Variants in ITCH observed in about 807,000 individuals in gnomAD.
ITCH encodes itchy E3 ubiquitin protein ligase, also known as E3 ubiquitin-protein ligase Itchy homolog.
In ITCH, 28 loss-of-function variants were observed where a neutral mutation model predicts 126.8. The observed-to-expected ratio is 0.22, with a 90% CI of 0.16 to 0.30. The LOEUF (loss-of-function observed/expected upper bound fraction) is 0.30. ITCH is among the 10% of genes least tolerant of loss of function. ITCH has a pLI of 1.00. For synonymous variants in ITCH, 342 were observed against 340.0 expected (o/e 1.01, Z -0.06); for missense variants, 631 against 1,032.4 (o/e 0.61, Z 5.33).
intron 17 of ITCH, 65 bp from the exon 18 acceptor site, chr20:34,479,565 G>A: frequency 1.5e-6 from 2 of 1,359,924 alleles, no homozygotes; most frequent in Non-Finnish European, 2.1e-6. Context: ...GAACTTTATA[G>A]CACTGTTCTT....
intron 2 of ITCH, among the ~76,000 whole-genome samples, chr20:34,388,341 TTTGC>T (rs2146051569): frequency 6.6e-6 from 1 of 152,216 alleles, no homozygotes; most frequent in East Asian, 1.9e-4. Context: ...AGTTTGTTTG[TTTGC>T]TTGTTTGTTT....
chr20:34,504,070 C>T (rs1449592438), intron 23 of ITCH, among the ~76,000 whole-genome samples: 1 of 151,602 alleles, frequency 6.6e-6, no homozygotes, highest in East Asian at 1.9e-4. Flanking sequence ...TAGTAGAGAT[C>T]AAGATTCACC....
chr20:34,479,363 A>C lies in ITCH; in HGVS notation c.1659-267A>C, dbSNP rs17091837. On this transcript the variant is annotated intron_variant, in intron 17 of 24. Coordinates refer to ENST00000374864, the MANE Select transcript of ITCH (RefSeq NM_031483.7). ...TATCTCAGGTAAAATTGGAAAATAC[A>C]ATTTAGTCGTTCATCAAATAAAGGT... is the stretch of plus-strand genomic sequence containing the variant. Among the ~76,000 whole-genome samples the C allele has an allele frequency of 7.2e-3, 1,090 of 152,318 alleles. 13 individuals are homozygous for C. The highest frequency in any genetic ancestry group is 0.025 in the African/African-American group (1,053 of 41,574).
chr20:34,383,564 C>T (rs1040361816), intron 2 of ITCH, among the ~76,000 whole-genome samples: 1 of 151,876 alleles, frequency 6.6e-6, no homozygotes, highest in Non-Finnish European at 1.5e-5. Context: ...CAGGGTTTCT[C>T]CATGTTAGTC....
intron 15 of ITCH, 108 bp from the exon 16 acceptor site, chr20:34,471,336 A>C (rs971539369): frequency 2.8e-6 from 2 of 720,350 alleles, no homozygotes; most frequent in Non-Finnish European, 5.1e-6. Context: ...TTCATAGTCT[A>C]CTTGTTTCTG....
chr20:34,450,148 TG>T (rs1000791699), intron 12 of ITCH, among the ~76,000 whole-genome samples: 3 of 152,240 alleles, frequency 2.0e-5, no homozygotes, highest in African/African-American at 7.2e-5. Flanking sequence ...ACAATGTTTG[TG>T]GTTAACAATA....
At chr20:34,379,509 G>A (rs989423295) in intron 2 of ITCH, among the ~76,000 whole-genome samples, 1 of 151,414 alleles carries the variant, frequency 6.6e-6, no homozygotes, top group Admixed American at 6.6e-5. Flanking sequence ...TCCCTGCTCT[G>A]GTAACTACTA....
At chr20:34,475,953 G>A in intron 16 of ITCH, 2 of 1,547,572 alleles carry the variant, frequency 1.3e-6, no homozygotes, top group Admixed American at 3.3e-5. Flanking sequence ...TCAATGGATT[G>A]TCTGGCATCA....
chr20:34,453,989 G>C (rs550250269), intron 12 of ITCH, among the ~76,000 whole-genome samples: 119 of 151,626 alleles, frequency 7.8e-4, no homozygotes, highest in African/African-American at 2.8e-3. Context: ...ACAGAGCAAG[G>C]CTCCGTCTCA....
rs944792091 is a variant in ITCH at position 34,507,892 on chromosome 20, T to C, written c.*98T>C. 15 of 831,516 alleles carry C rather than the reference T, an allele frequency of 1.8e-5. No individual in the cohort carries two copies. Among genetic ancestry groups the C allele is most frequent in the Non-Finnish European group, 2.7e-5 (13 of 482,284 alleles). 51.5% of individuals were successfully genotyped at this position (831,516 alleles called of 1,614,324 possible). A position where few individuals can be genotyped will look rare whatever the true frequency, so the allele number is the denominator to read the frequency against. On this transcript the variant is annotated 3_prime_UTR_variant, in exon 25 of 25. Transcript: ENST00000374864. The stretch of plus-strand genomic sequence containing the variant: ...CTTGTAAAATTGGACAATGGCTCTT[T>C]AGAGAGTTATCTGAGTGTAAGTAAA...
chr20:34,410,893 A>G (rs770385305), intron 4 of ITCH, among the ~76,000 whole-genome samples: 45 of 152,186 alleles, frequency 3.0e-4, no homozygotes, highest in Admixed American at 5.2e-4. Flanking sequence ...TTGTAGTTCT[A>G]TGTGGTAGTG....
rs79111187 is a variant in ITCH at position 34,392,263 on chromosome 20, T to C, written c.-21-1528T>C. 4.2e-3 allele frequency among the ~76,000 whole-genome samples: 640 copies of C among 152,314 alleles called. 2 individuals are homozygous for C. The highest frequency in any genetic ancestry group is 0.014 in the African/African-American group (602 of 41,566). On this transcript the variant is annotated intron_variant, in intron 2 of 24. Transcript: ENST00000374864. Reference sequence around the variant, plus strand: ...TATTCTGGATGACTTCTATTGACTTTATGATGTTTACCTTTCATATTTAAA... The same window carrying C: ...TATTCTGGATGACTTCTATTGACTTCATGATGTTTACCTTTCATATTTAAA...
rs6058034 is a variant in ITCH at position 34,405,370 on chromosome 20, C to T, written c.71-3281C>T. On this transcript the variant is annotated intron_variant, in intron 3 of 24. Transcript: ENST00000374864. ...AAATACAAACATTAGCTGGGTGTGGCGGCGCGTGCCTATAACCCCAGCTGC... is the reference window on the plus strand; with the variant it reads ...AAATACAAACATTAGCTGGGTGTGGTGGCGCGTGCCTATAACCCCAGCTGC... Among the ~76,000 whole-genome samples the T allele has an allele frequency of 4.4e-3, 675 of 151,898 alleles. 15 individuals are homozygous for T. The highest frequency in any genetic ancestry group is 0.015 in the African/African-American group (606 of 41,422).
chr20:34,492,576 G>A lies in ITCH; in HGVS notation c.2395G>A (p.Gly799Arg). The change falls in exon 23 of 25, where the codon GGA (glycine) becomes AGA (arginine). Residue 799 changes from glycine (G) to arginine (R), a missense_variant. Around this residue, in one of 4 missense-constraint regions of ITCH, gnomAD observed 390 missense variants for 731.6 expected, o/e 0.53. Coordinates refer to ENST00000374864, the MANE Select transcript of ITCH (RefSeq NM_031483.7). ...FVTGTCRLPV[G>R]GFADLMGSNG... ...TACTGGAACCTGCCGATTGCCAGTA[G>A]GAGGATTTGCTGATCTCATGGGTAT... 1 of 1,611,556 alleles carries A rather than the reference G, an allele frequency of 6.2e-7. No homozygotes were observed. Among genetic ancestry groups the A allele is most frequent in the Non-Finnish European group, 8.5e-7 (1 of 1,177,688 alleles).
intron 23 of ITCH, among the ~76,000 whole-genome samples, chr20:34,494,857 G>T (rs189120116): frequency 6.6e-6 from 1 of 152,206 alleles, no homozygotes; most frequent in Admixed American, 6.5e-5. Flanking sequence ...TATTCAGGAG[G>T]TTGAGGTGGG....
chr20:34,405,684 A>G (rs1371991220), intron 3 of ITCH, among the ~76,000 whole-genome samples: 1 of 152,238 alleles, frequency 6.6e-6, no homozygotes, highest in Non-Finnish European at 1.5e-5. Context: ...TTCTTAGACC[A>G]GAAATGTATT....
At chr20:34,441,272 T>TG (rs985282977) in intron 9 of ITCH, among the ~76,000 whole-genome samples, 1 of 151,976 alleles carries the variant, frequency 6.6e-6, no homozygotes, top group Admixed American at 6.6e-5. Context: ...AACTCCATCT[T>TG]GGGGAAAAAA....
chr20:34,458,450 A>G (rs185676198), intron 13 of ITCH, among the ~76,000 whole-genome samples: 67 of 152,290 alleles, frequency 4.4e-4, no homozygotes, highest in South Asian at 2.9e-3. Context: ...TACAGAAATA[A>G]TGTTTTGACA....
At chr20:34,403,453 T>A (rs2146119055) in intron 3 of ITCH, among the ~76,000 whole-genome samples, 1 of 152,242 alleles carries the variant, frequency 6.6e-6, no homozygotes, top group Non-Finnish European at 1.5e-5. Context: ...AGCAAGTGAT[T>A]ATAATAAAGC....
Sources: allele counts gnomAD v4.1 joint callset (sites outside exome capture counted in the v4.1 genomes callset), GRCh38; gene constraint gnomAD v4.1.1; regional missense constraint gnomAD v4.1.1; transcripts MANE v1.5; gene names NCBI Gene and HGNC (gene_info 2026-07-23, HGNC 2026-07-21).